The following SPATA22 variants were observed in gnomAD, a reference collection of about 807,000 sequenced individuals.
SPATA22 encodes the protein spermatogenesis-associated protein 22.
A neutral mutation model predicts 47.8 loss-of-function variants in SPATA22; 29 were observed. The ratio of observed to expected loss-of-function variants is 0.61; its 90% CI spans 0.45 to 0.83. The LOEUF is 0.83. Among genes scored for constraint, SPATA22 ranks in the 40% least tolerant of loss-of-function variants. SPATA22 has a pLI of 0.00. For synonymous variants in SPATA22, 133 were observed against 140.9 expected (o/e 0.94, Z 0.40); for missense variants, 410 against 421.7 (o/e 0.97, Z 0.24).
chr17:3,479,503 C>G (rs2073590521), intron 1 of SPATA22, among the ~76,000 whole-genome samples: 1 of 152,158 alleles, frequency 6.6e-6, no homozygotes, highest in Non-Finnish European at 1.5e-5. Context: ...AGTAGGCTGT[C>G]CAGGGCTGAT....
In SPATA22 at chr17:3,449,007, A is replaced by G. The variant is rs1309361336; in HGVS notation, c.472T>C (p.Leu158=). The change falls in exon 6 of 9, where the codon TTA becomes CTA. Residue 158 remains leucine (L), a synonymous_variant. Coordinates refer to ENST00000572969, the MANE Select transcript of SPATA22 (RefSeq NM_001170698.2). The stretch of plus-strand genomic sequence containing the variant: ...AAGTTAGGAGGTTCAGGTATTCTTA[A>G]TTGTTTTTGTTGTTGAGCTCCCGAA... ...VSSGAQQQKQ[L]RIPEPPNLSR... 1 of 1,613,798 alleles carries G rather than the reference A, an allele frequency of 6.2e-7. No individual in the cohort carries two copies. The highest frequency in any genetic ancestry group is 8.5e-7 in the Non-Finnish European group (1 of 1,179,962).
chr17:3,508,905 A>T (rs1462756047), intron 1 of SPATA22, among the ~76,000 whole-genome samples: 1 of 68,784 alleles, frequency 1.5e-5, no homozygotes, highest in Admixed American at 2.6e-4. Context: ...TATAAAAAAA[A>T]AAAAAAAAAA....
At position 3,462,710 on chromosome 17, in the gene SPATA22, G is replaced by GT; in HGVS notation, c.229dup (p.Thr77AsnfsTer20). 6.2e-7 allele frequency: 1 copy of GT among 1,611,758 alleles called. No homozygotes were observed. The highest frequency in any genetic ancestry group is 8.5e-7 in the Non-Finnish European group (1 of 1,177,876). ...TGGTTTATATTTCTCCACATACCCG[G>GT]TGTCCACTGTTTTCATTACAGGAGC... is the stretch of plus-strand genomic sequence containing the variant. On this transcript the variant is annotated frameshift_variant, in exon 4 of 9. Coordinates refer to ENST00000572969, the MANE Select transcript of SPATA22 (RefSeq NM_001170698.2). LOFTEE classifies it high-confidence loss of function.
chr17:3,448,207 C>G (rs2072771633), intron 6 of SPATA22, among the ~76,000 whole-genome samples: 1 of 152,132 alleles, frequency 6.6e-6, no homozygotes, highest in Admixed American at 6.5e-5. Flanking sequence ...CAAAGGTAGA[C>G]TAGGACAAGA....
intron 1 of SPATA22, among the ~76,000 whole-genome samples, chr17:3,494,705 C>T (rs981573201): frequency 6.6e-6 from 1 of 152,010 alleles, no homozygotes; most frequent in Non-Finnish European, 1.5e-5. Context: ...AGTGTAGGTA[C>T]ACAAAAGTCT....
chr17:3,493,560 CAAAAAAAAAAAAA>C lies in SPATA22; in HGVS notation c.-74+19839_-74+19851del, dbSNP rs746229421. On this transcript the variant is annotated intron_variant, in intron 1 of 8. Transcript: ENST00000541913. ...TGGGTGAAAGAGCGAGGTTCCATCT[CAAAAAAAAAAAAA>C]AAAAAAAAAAGGAAAGAAAAAGAGC... Among the ~76,000 whole-genome samples the C allele has an allele frequency of 2.5e-3, 142 of 56,384 alleles. 1 individual carries two copies. The highest frequency in any genetic ancestry group is 8.2e-3 in the Admixed American group (30 of 3,660). 37.0% of individuals were successfully genotyped at this position (56,384 alleles called of 152,430 possible). A position where few individuals can be genotyped will look rare whatever the true frequency, so the allele number is the denominator to read the frequency against.
rs1567602778 is a variant in SPATA22, at chr17:3,465,061, G to GTGTGCCCAACAGCTCATTGA, written c.173-2295_173-2294insTCAATGAGCTGTTGGGCACA. Among the ~76,000 whole-genome samples the GTGTGCCCAACAGCTCATTGA allele has an allele frequency of 9.8e-4, 122 of 124,900 alleles. 5 individuals are homozygous for GTGTGCCCAACAGCTCATTGA. Among genetic ancestry groups the GTGTGCCCAACAGCTCATTGA allele is most frequent in the Non-Finnish European group, 1.1e-3 (61 of 55,334 alleles). The allele number at this position is 124,900 out of a possible 152,430, so 81.9% of individuals were successfully genotyped here. Reference sequence around the variant, plus strand: ...CCCGGCCAGCCGCCCCGTCCGGGAGGGAGGTGGGGGGTCAGCCCCTCCACC... The same window carrying GTGTGCCCAACAGCTCATTGA: ...CCCGGCCAGCCGCCCCGTCCGGGAGGTGTGCCCAACAGCTCATTGAGAGGTGGGGGGTCAGCCCCTCCACC... On this transcript the variant is annotated intron_variant, in intron 3 of 8. Transcript: ENST00000572969.
chr17:3,449,045 G>A lies in SPATA22; in HGVS notation c.434C>T (p.Ser145Phe), dbSNP rs774209594. 82 of 1,613,688 alleles carry A rather than the reference G, an allele frequency of 5.1e-5. No homozygotes were observed. Among genetic ancestry groups the A allele is most frequent in the Non-Finnish European group, 6.6e-5 (78 of 1,179,878 alleles). The change falls in exon 6 of 9, where the codon TCT becomes TTT. Residue 145 changes from serine (S) to phenylalanine (F), a missense_variant. Ser to Phe is a radical substitution (Grantham distance 155, BLOSUM62 -2). Coordinates refer to ENST00000572969, the MANE Select transcript of SPATA22 (RefSeq NM_001170698.2). ...TNLVANDGKN[S>F]CPVSSGAQQQ... is the part of the protein sequence containing the mutation. ...TTGAGCTCCCGAACTCACTGGACAAGAATTTTTTCCATCATTTGCCACTAA... is the reference window on the plus strand; with the variant it reads ...TTGAGCTCCCGAACTCACTGGACAAAAATTTTTTCCATCATTTGCCACTAA...
At chr17:3,486,872 G>C (rs1388011110) in intron 1 of SPATA22, among the ~76,000 whole-genome samples, 4 of 152,160 alleles carry the variant, frequency 2.6e-5, no homozygotes, top group African/African-American at 9.7e-5. Flanking sequence ...TTCGATACAA[G>C]ATCTCATATC....
chr17:3,444,838 A>T (rs2072689825), intron 7 of SPATA22, among the ~76,000 whole-genome samples: 1 of 152,098 alleles, frequency 6.6e-6, no homozygotes, highest in Admixed American at 6.6e-5. Context: ...TAGTAAAATG[A>T]AGTATCTACC....
chr17:3,467,447 C>G lies in SPATA22; in HGVS notation c.151G>C (p.Asp51His). The G allele has an allele frequency of 6.2e-7, 1 of 1,600,582 alleles. No individual in the cohort carries two copies. Among genetic ancestry groups the G allele is most frequent in the Admixed American group, 1.7e-5 (1 of 58,382 alleles). ...SGISTPSDNY[D>H]FPPLPTDWAW... Reference sequence around the variant, plus strand: ...TTACCTGTAGGTAGAGGAGGAAAATCATAATTGTCAGAAGGGGTACTGATA... The same window carrying G: ...TTACCTGTAGGTAGAGGAGGAAAATGATAATTGTCAGAAGGGGTACTGATA... Residue 51 changes from aspartate (D) to histidine (H), a missense_variant, in exon 3 of 9, where the codon GAT (aspartate) becomes CAT (histidine). Coordinates refer to ENST00000572969, the MANE Select transcript of SPATA22 (RefSeq NM_001170698.2).
At chr17:3,489,231 C>G in intron 1 of SPATA22, 3 of 1,575,134 alleles carry the variant, frequency 1.9e-6, no homozygotes, top group South Asian at 1.1e-5. Flanking sequence ...CCTTCTGTAC[C>G]TAGGTATAGA....
At chr17:3,442,297 G>A (rs868459610) in intron 8 of SPATA22, among the ~76,000 whole-genome samples, 3 of 151,864 alleles carry the variant, frequency 2.0e-5, no homozygotes, top group South Asian at 4.1e-4. Flanking sequence ...ACAACCTTTC[G>A]AAGTAGGAAT....
chr17:3,449,175 T>G, intron 5 of SPATA22, 26 bp from the exon 6 acceptor site: 1 of 1,470,930 alleles, frequency 6.8e-7, no homozygotes, highest in Non-Finnish European at 9.2e-7. Flanking sequence ...AAAAAAGCAT[T>G]TGTTTCTATA....
At chr17:3,467,951 G>A (rs983603482) in intron 2 of SPATA22, among the ~76,000 whole-genome samples, 3 of 152,114 alleles carry the variant, frequency 2.0e-5, no homozygotes, top group Admixed American at 6.5e-5. Context: ...CCATGCTTTG[G>A]ACAATAGTGG....
intron 2 of SPATA22, 68 bp from the exon 3 acceptor site, chr17:3,467,622 A>C: frequency 7.6e-7 from 1 of 1,320,540 alleles, no homozygotes; most frequent in Admixed American, 2.3e-5. Flanking sequence ...TAAAATAATT[A>C]CTAGTATAAT....
chr17:3,483,024 C>G (rs1256775575), intron 1 of SPATA22, among the ~76,000 whole-genome samples: 3 of 146,180 alleles, frequency 2.1e-5, no homozygotes, highest in African/African-American at 7.6e-5. Flanking sequence ...ATTGCTGACA[C>G]TTTGTTATCC....
At position 3,443,104 on chromosome 17, in the gene SPATA22, C is replaced by T. The variant is rs1196990731; in HGVS notation, c.900+70G>A. On this transcript the variant is annotated intron_variant, in intron 8 of 8. Coordinates refer to ENST00000572969, the MANE Select transcript of SPATA22 (RefSeq NM_001170698.2). ...ATTGTTAACAGAATTTATATTTCAA[C>T]TGAATTATAGCCTGCATGTTTATAT... 4.8e-6 allele frequency: 5 copies of T among 1,039,348 alleles called. No individual in the cohort carries two copies. In the Admixed American group the frequency reaches 1.3e-4, roughly 26 times the overall value. 64.4% of individuals were successfully genotyped at this position (1,039,348 alleles called of 1,614,324 possible).
At chr17:3,503,118 A>T (rs975888951) in intron 1 of SPATA22, 3 of 152,092 alleles carry the variant, frequency 2.0e-5, no homozygotes, top group African/African-American at 7.2e-5. Context: ...GCCAATAAAG[A>T]GTGTTTTTAT....
Sources: allele counts gnomAD v4.1 joint callset (sites outside exome capture counted in the v4.1 genomes callset), GRCh38; gene constraint gnomAD v4.1.1; transcripts MANE v1.5; gene names NCBI Gene and HGNC (gene_info 2026-07-23, HGNC 2026-07-21).